SYN3: variants seen among roughly 807,000 people sequenced by gnomAD.
SYN3 encodes synapsin-3.
SYN3 carries 35 observed loss-of-function variants against 65.8 expected under a neutral mutation model. The observed-to-expected ratio is 0.53, with a 90% CI of 0.41 to 0.70. The LOEUF (loss-of-function observed/expected upper bound fraction) is 0.70, where lower values mean the gene tolerates loss of function less well. Ranked by LOEUF, SYN3 falls within the 30% of genes least tolerant of loss-of-function variation. The pLI is 0.00. For synonymous variants in SYN3, 270 were observed against 292.9 expected (o/e 0.92, Z 0.80); for missense variants, 680 against 749.0 (o/e 0.91, Z 1.08).
At chr22:33,045,658 T>G (rs1015529609) in intron 1 of SYN3, among the ~76,000 whole-genome samples, 1 of 151,780 alleles carries the variant, frequency 6.6e-6, no homozygotes, top group African/African-American at 2.4e-5. Flanking sequence ...GAGACAGAGT[T>G]TCACCGTGTT....
chr22:32,539,069 A>C (rs1017467674), intron 8 of SYN3, among the ~76,000 whole-genome samples: 5 of 152,176 alleles, frequency 3.3e-5, no homozygotes, highest in Admixed American at 6.5e-5. Context: ...GTTTAAGCAT[A>C]GTGGTGGAGG....
In SYN3 at chr22:32,717,708, C is replaced by T. The variant is rs139978003; in HGVS notation, c.712-120972G>A. Among the ~76,000 whole-genome samples, 1,008 of 152,246 alleles carry T rather than the reference C, an allele frequency of 6.6e-3. 11 individuals are homozygous for T. The highest frequency in any genetic ancestry group is 0.024 in the African/African-American group (978 of 41,550). On this transcript the variant is annotated intron_variant, in intron 6 of 13. Transcript: ENST00000358763. ...ACAGCCATTGCTGAGCTGAATCCAG[C>T]TCTCAAGAGTGGTCAAGCTGAAGAG...
Position 32,518,293 on chromosome 22 carries a change from C to T in SYN3, c.1360G>A (p.Gly454Arg). The T allele has an allele frequency of 6.2e-7, 1 of 1,610,194 alleles. No homozygotes were observed. The highest frequency in any genetic ancestry group is 1.7e-4 in the Middle Eastern group (1 of 6,034). ...QAQSPQPQRSGSPSQQRLSPQ... is the reference protein window; with the variant it reads ...QAQSPQPQRSRSPSQQRLSPQ... ...GAGAGCCTCTGTTGGGAGGGGCTTC[C>T]AGATCTCTGGGGCTGAGGAGACTGA... The change falls in exon 13 of 14, where the codon GGA becomes AGA. Residue 454 changes from glycine (G) to arginine (R), a missense_variant. Gly to Arg is a moderately radical substitution (Grantham distance 125, BLOSUM62 -2). Coordinates refer to ENST00000358763, the MANE Select transcript of SYN3 (RefSeq NM_003490.4).
intron 5 of SYN3, among the ~76,000 whole-genome samples, chr22:32,868,367 TATC>T (rs1482536187): frequency 1.3e-5 from 2 of 151,270 alleles, no homozygotes; most frequent in African/African-American, 4.9e-5. Context: ...ATATATGTAA[TATC>T]ATATATCATA....
At chr22:32,981,203 A>G (rs1047801901) in intron 2 of SYN3, among the ~76,000 whole-genome samples, 3 of 151,426 alleles carry the variant, frequency 2.0e-5, no homozygotes, top group Non-Finnish European at 4.4e-5. Context: ...GAGATGGTGG[A>G]TAAGATTGGA....
intron 7 of SYN3, among the ~76,000 whole-genome samples, chr22:32,556,834 T>TG (rs1569035449): frequency 1.0e-4 from 13 of 129,306 alleles, no homozygotes; most frequent in Admixed American, 3.3e-4. Flanking sequence ...TTTTTTTTTT[T>TG]TGTGTGTAGA....
Position 32,708,287 on chromosome 22 carries a change from G to A in SYN3, c.712-111551C>T, listed in dbSNP as rs28627979. Among the ~76,000 whole-genome samples the A allele has an allele frequency of 3.0e-3, 464 of 152,290 alleles. 4 individuals are homozygous for A. Among genetic ancestry groups the A allele is most frequent in the African/African-American group, 0.011 (457 of 41,568 alleles). ...TGGTGCGTGGGGATAATACAAAGCA[G>A]CTCAGATTTTAGTAAGCTTTATAAT... is the stretch of plus-strand genomic sequence containing the variant. On this transcript the variant is annotated intron_variant, in intron 6 of 13. Coordinates refer to ENST00000358763, the MANE Select transcript of SYN3 (RefSeq NM_003490.4).
intron 7 of SYN3, among the ~76,000 whole-genome samples, chr22:32,587,464 A>G (rs1040178951): frequency 4.6e-5 from 7 of 152,126 alleles, no homozygotes; most frequent in African/African-American, 1.4e-4. Context: ...ACTTCTGCTG[A>G]TCTGTGAAAC....
chr22:32,919,368 T>C (rs1368670071), intron 4 of SYN3, among the ~76,000 whole-genome samples: 2 of 152,230 alleles, frequency 1.3e-5, no homozygotes, highest in Non-Finnish European at 2.9e-5. Context: ...TTATTGATTG[T>C]TTTCTGCAAC....
At chr22:32,997,558 A>C (rs975352592) in intron 2 of SYN3, among the ~76,000 whole-genome samples, 1 of 152,044 alleles carries the variant, frequency 6.6e-6, no homozygotes, top group Non-Finnish European at 1.5e-5. Context: ...CCTTTAAATG[A>C]GCTGACAGTC....
intron 6 of SYN3, among the ~76,000 whole-genome samples, chr22:32,731,973 C>T (rs1162002905): frequency 6.6e-6 from 1 of 152,150 alleles, no homozygotes; most frequent in Non-Finnish European, 1.5e-5. Context: ...GGCCTATGTG[C>T]AATGTTTTGA....
chr22:32,946,699 CT>C (rs1174198724), intron 3 of SYN3, among the ~76,000 whole-genome samples: 1 of 151,926 alleles, frequency 6.6e-6, no homozygotes, highest in Non-Finnish European at 1.5e-5. Context: ...ATAAAAAAAA[CT>C]TTTTTCCCTT....
chr22:33,006,211 T>G, intron 2 of SYN3, 141 bp downstream of exon 2: 2 of 944,436 alleles, frequency 2.1e-6, no homozygotes, highest in Non-Finnish European at 3.1e-6. Context: ...ACTTGGTACA[T>G]GTTAGTTTCC....
At chr22:32,758,565 G>C (rs1446564379) in intron 6 of SYN3, among the ~76,000 whole-genome samples, 1 of 149,422 alleles carries the variant, frequency 6.7e-6, no homozygotes, top group Non-Finnish European at 1.5e-5. Context: ...GCCCTCAAAC[G>C]TCGGACTCTA....
chr22:32,682,992 G>C (rs1453406452), intron 6 of SYN3, among the ~76,000 whole-genome samples: 1 of 152,246 alleles, frequency 6.6e-6, no homozygotes, highest in East Asian at 1.9e-4. Flanking sequence ...CACTTTTCCT[G>C]GAAGAGCCAA....
intron 6 of SYN3, among the ~76,000 whole-genome samples, chr22:32,727,374 T>C (rs2061210359): frequency 6.6e-6 from 1 of 152,232 alleles, no homozygotes; most frequent in Non-Finnish European, 1.5e-5. Flanking sequence ...ACATTTTCCT[T>C]ATCCAGTCTA....
rs1291639795 is a variant in SYN3, at chr22:33,003,713, TG to T, written c.311+2638del. On this transcript the variant is annotated intron_variant, in intron 2 of 13. Coordinates refer to ENST00000358763, the MANE Select transcript of SYN3 (RefSeq NM_003490.4). ...TGATAGAAAAGAAAAATCCATTTGC[TG>T]GGGAGAAATTCAAGCCCACTGCAGA... Among the ~76,000 whole-genome samples the T allele has an allele frequency of 6.6e-5, 10 of 152,194 alleles. 1 individual carries two copies. The East Asian group carries it at 1.2e-3, about 18-fold the overall frequency.
intron 1 of SYN3, among the ~76,000 whole-genome samples, chr22:33,026,298 A>G (rs1207938934): frequency 1.3e-5 from 2 of 152,086 alleles, no homozygotes; most frequent in African/African-American, 2.4e-5. Context: ...AACAGAATAA[A>G]TGGAGGTTTT....
intron 2 of SYN3, among the ~76,000 whole-genome samples, chr22:32,998,785 A>AAAAC (rs1556121354): frequency 2.7e-4 from 37 of 137,282 alleles, no homozygotes; most frequent in Non-Finnish European, 4.8e-4. Flanking sequence ...GTAAAAAAAA[A>AAAAC]AAAAAAAAAA....
Sources: gnomAD v4.1 joint callset for allele counts (sites outside exome capture counted in the v4.1 genomes callset) on GRCh38, gnomAD v4.1.1 for gene constraint, MANE v1.5 for transcripts, NCBI Gene and HGNC (gene_info 2026-07-23, HGNC 2026-07-21) for gene names.